Variants in PKHD1 observed in about 807,000 individuals in gnomAD.
PKHD1 encodes the protein fibrocystin.
In PKHD1, 291 loss-of-function variants were observed where a neutral mutation model predicts 412.0. The observed-to-expected ratio is 0.71, with a 90% confidence interval of 0.64 to 0.78. The LOEUF (loss-of-function observed/expected upper bound fraction) is 0.78. PKHD1 is among the 30% of genes least tolerant of loss of function. The probability of loss-of-function intolerance (pLI) is 0.00; values close to 1 mark genes in which losing one functional copy is unlikely to be tolerated. For synonymous variants in PKHD1, 1,777 were observed against 1,821.5 expected, an observed-to-expected ratio of 0.98 and a Z score of 0.62; for missense variants, 4,825 against 4,950.7, an observed-to-expected ratio of 0.97 and a Z score of 0.76.
chr6:51,722,197 T>C (rs1365142097), intron 60 of PKHD1, among the ~76,000 whole-genome samples: 2 of 152,192 alleles, frequency 1.3e-5, no homozygotes, highest in Non-Finnish European at 2.9e-5. Flanking sequence ...CCTTTTCTCC[T>C]TCTGCCAAAA....
At chr6:51,675,908 G>A (rs1261537896) in intron 60 of PKHD1, among the ~76,000 whole-genome samples, 1 of 152,322 alleles carries the variant, frequency 6.6e-6, no homozygotes, top group Non-Finnish European at 1.5e-5. Context: ...GTGTGCATGT[G>A]TGCCTATGAG....
At chr6:51,859,438 A>ACGCCTCCCAGG (rs1320098356) in intron 48 of PKHD1, among the ~76,000 whole-genome samples, 1 of 148,432 alleles carries the variant, frequency 6.7e-6, no homozygotes, top group African/African-American at 2.5e-5. Flanking sequence ...AGGCAGGAGA[A>ACGCCTCCCAGG]TGGCGTGAAC....
intron 49 of PKHD1, 29 bp from the exon 50 acceptor site, chr6:51,847,999 C>A: frequency 6.6e-7 from 1 of 1,517,822 alleles, no homozygotes; most frequent in Non-Finnish European, 9.1e-7. Context: ...CACAATAGTG[C>A]TCATTTAGTA....
Position 51,753,367 on chromosome 6 carries a change from A to G in PKHD1, c.8798-14T>C. On this transcript the variant is annotated splice_polypyrimidine_tract_variant and intron_variant, in intron 56 of 66. Coordinates refer to ENST00000371117, the MANE Select transcript of PKHD1 (RefSeq NM_138694.4). Reference sequence around the variant, plus strand: ...CATGTACACTTCCTGGGGCAATAGGAGTTGTGGGAAAAAAAAACTTTAAAA... The same window carrying G: ...CATGTACACTTCCTGGGGCAATAGGGGTTGTGGGAAAAAAAAACTTTAAAA... 2 of 1,610,290 alleles carry G rather than the reference A, an allele frequency of 1.2e-6. No individual in the cohort carries two copies. Among genetic ancestry groups the G allele is most frequent in the Non-Finnish European group, 1.7e-6 (2 of 1,178,190 alleles).
chr6:51,654,346 T>C (rs1490931191), intron 61 of PKHD1, among the ~76,000 whole-genome samples: 1 of 152,120 alleles, frequency 6.6e-6, no homozygotes, highest in Non-Finnish European at 1.5e-5. Context: ...ATTAAATAGT[T>C]GAATAAATGT....
At chr6:52,068,864 G>A (rs1006587562) in intron 11 of PKHD1, among the ~76,000 whole-genome samples, 5 of 152,166 alleles carry the variant, frequency 3.3e-5, no homozygotes, top group Admixed American at 2.6e-4. Flanking sequence ...GACAAAGGTA[G>A]ATTTTGATTG....
intron 46 of PKHD1, among the ~76,000 whole-genome samples, chr6:51,880,779 T>A (rs1033611737): frequency 1.2e-3 from 35 of 30,032 alleles, no homozygotes; most frequent in East Asian, 0.017. Context: ...AAAAAAAAAT[T>A]AAAAAAAAAA....
intron 61 of PKHD1, among the ~76,000 whole-genome samples, chr6:51,657,406 T>G (rs1772053701): frequency 6.6e-6 from 1 of 152,120 alleles, no homozygotes; most frequent in Non-Finnish European, 1.5e-5. Context: ...CGGGAGAAAT[T>G]TGTTCAGACA....
chr6:51,704,994 G>T (rs1275799732), intron 60 of PKHD1, among the ~76,000 whole-genome samples: 2 of 152,056 alleles, frequency 1.3e-5, no homozygotes, highest in Admixed American at 6.6e-5. Context: ...TGAGGTAGTG[G>T]TGGCTCCCAA....
chr6:51,808,383 A>C (rs1764169418), intron 52 of PKHD1, among the ~76,000 whole-genome samples: 1 of 152,194 alleles, frequency 6.6e-6, no homozygotes, highest in South Asian at 2.1e-4. Context: ...TTCAATGAGC[A>C]ATCTTTTTCT....
At chr6:51,849,545 C>A (rs1045305350) in intron 49 of PKHD1, among the ~76,000 whole-genome samples, 1 of 152,158 alleles carries the variant, frequency 6.6e-6, no homozygotes, top group Non-Finnish European at 1.5e-5. Context: ...TCCACAGCCT[C>A]ACCAGCTTTC....
In PKHD1 at chr6:52,022,925, C is replaced by G. The variant is rs765275011; in HGVS notation, c.5256G>C (p.Leu1752=). 6.2e-7 allele frequency: 1 copy of G among 1,614,130 alleles called. No individual in the cohort carries two copies. Among genetic ancestry groups the G allele is most frequent in the South Asian group, 1.1e-5 (1 of 91,074 alleles). Reference sequence around the variant, plus strand: ...AAAATCCCGCTCCAAACACATGCACCAGCCTTCCACCCAGGCAGCCTTTAA... The same window carrying G: ...AAAATCCCGCTCCAAACACATGCACGAGCCTTCCACCCAGGCAGCCTTTAA... ...TENFGCLGGR[L]VHVFGAGFSP... The change falls in exon 33 of 67, where the codon CTG becomes CTC. Residue 1752 remains leucine, a synonymous_variant. Transcript: ENST00000371117.
chr6:51,675,807 A>T (rs1775743562), intron 60 of PKHD1, among the ~76,000 whole-genome samples: 1 of 152,234 alleles, frequency 6.6e-6, no homozygotes, highest in African/African-American at 2.4e-5. Context: ...GGCTTGGCAT[A>T]TGCTATTGCA....
chr6:51,905,298 A>G lies in PKHD1; in HGVS notation c.6808+917T>C, dbSNP rs150643020. Among the ~76,000 whole-genome samples the G allele has an allele frequency of 5.6e-3, 848 of 152,318 alleles. 5 individuals are homozygous for G. Among genetic ancestry groups the G allele is most frequent in the African/African-American group, 0.018 (739 of 41,588 alleles). On this transcript the variant is annotated intron_variant, in intron 41 of 66. Transcript: ENST00000371117. The stretch of plus-strand genomic sequence containing the variant: ...TCTACAATGCACTAGTTAATATGCT[A>G]AGTGTTCAGGAGACAATGTCCTCAA...
chr6:52,027,271 C>A (rs1404237019), intron 31 of PKHD1, among the ~76,000 whole-genome samples: 1 of 150,336 alleles, frequency 6.7e-6, no homozygotes, highest in African/African-American at 2.5e-5. Context: ...GTGGCTCATG[C>A]CTGTAATCCC....
intron 13 of PKHD1, among the ~76,000 whole-genome samples, chr6:52,064,326 T>G (rs1225344641): frequency 1.3e-5 from 2 of 152,202 alleles, no homozygotes; most frequent in East Asian, 3.8e-4. Flanking sequence ...AGCAGAAAAG[T>G]GCTCCAGTAT....
At chr6:51,962,021 A>G (rs1432803085) in intron 35 of PKHD1, among the ~76,000 whole-genome samples, 3 of 152,126 alleles carry the variant, frequency 2.0e-5, no homozygotes, top group African/African-American at 7.2e-5. Flanking sequence ...TTAAGGATCA[A>G]TTCAGAGCAA....
rs34060761 is a variant in PKHD1, at chr6:51,843,486, G to GA, written c.8107+4288dup. Among the ~76,000 whole-genome samples the GA allele has an allele frequency of 3.1e-3, 468 of 152,216 alleles. 3 individuals carry two copies. Among genetic ancestry groups the GA allele is most frequent in the Middle Eastern group, 6.8e-3 (2 of 294 alleles). On this transcript the variant is annotated intron_variant, in intron 50 of 66. Coordinates refer to ENST00000371117, the MANE Select transcript of PKHD1 (RefSeq NM_138694.4). Reference sequence around the variant, plus strand: ...TTCACCATGAACTGAAACATCCTTGGAAAAAAACAGCAGGGAAAGAGGCAG... The same window carrying GA: ...TTCACCATGAACTGAAACATCCTTGGAAAAAAAACAGCAGGGAAAGAGGCAG...
chr6:51,769,953 G>A (rs1789789264), intron 55 of PKHD1, among the ~76,000 whole-genome samples: 1 of 151,138 alleles, frequency 6.6e-6, no homozygotes. Context: ...AAGATTGTTG[G>A]TTTATATTTT....
Sources: gnomAD v4.1 joint callset for allele counts (sites outside exome capture counted in the v4.1 genomes callset) on GRCh38, gnomAD v4.1.1 for gene constraint, MANE v1.5 for transcripts, NCBI Gene and HGNC (gene_info 2026-07-23, HGNC 2026-07-21) for gene names.